Variants in SLFN12L observed in about 807,000 individuals in gnomAD.
The protein encoded by SLFN12L is schlafen family member 12 like, also known as schlafen family member 12-like.
Under a neutral mutation model 34.8 loss-of-function variants are expected in SLFN12L, and 34 were observed. That is an observed-to-expected ratio of 0.98 (90% CI 0.74 to 1.30). The LOEUF (loss-of-function observed/expected upper bound fraction) is 1.30. SLFN12L is among the 50% of genes most tolerant of loss of function. The pLI is 0.00. For synonymous variants in SLFN12L, 259 were observed against 247.5 expected, an observed-to-expected ratio of 1.05 and a Z score of -0.44; for missense variants, 703 against 696.2, an observed-to-expected ratio of 1.01 and a Z score of -0.11.
chr17:35,498,462 G>T lies in SLFN12L; in HGVS notation c.87-18267C>A, dbSNP rs986396823. On this transcript the variant is annotated intron_variant, in intron 2 of 4. Transcript: ENST00000628453. Reference sequence around the variant, plus strand: ...TGGACGACTGCGGAATTTTCTCATCGATTCTGATTCCCCGCATAGCCACGA... The same window carrying T: ...TGGACGACTGCGGAATTTTCTCATCTATTCTGATTCCCCGCATAGCCACGA... 1.4e-5 allele frequency: 18 copies of T among 1,263,906 alleles called. No individual in the cohort carries two copies. The African/African-American group carries it at 2.3e-4, about 16-fold the overall frequency. 78.3% of individuals were successfully genotyped at this position (1,263,906 alleles called of 1,614,324 possible). A position where few individuals can be genotyped will look rare whatever the true frequency, so the allele number is the denominator to read the frequency against.
chr17:35,496,318 A>G (rs1363528987), intron 2 of SLFN12L, among the ~76,000 whole-genome samples: 2 of 152,118 alleles, frequency 1.3e-5, no homozygotes, highest in African/African-American at 4.8e-5. Flanking sequence ...ACTGCACTCC[A>G]ACTTTGGCGA....
chr17:35,510,971 A>C (rs1915622039), intron 2 of SLFN12L, among the ~76,000 whole-genome samples: 1 of 152,098 alleles, frequency 6.6e-6, no homozygotes, highest in Non-Finnish European at 1.5e-5. Context: ...TTTTTAACTC[A>C]AACTGTTGAG....
chr17:35,500,084 T>C (rs902005710), intron 2 of SLFN12L: 6 of 152,228 alleles, frequency 3.9e-5, no homozygotes, highest in Non-Finnish European at 8.8e-5. Context: ...TCACGCTAAC[T>C]AAGTTACAGT....
chr17:35,496,355 A>G (rs1201527199), intron 2 of SLFN12L, among the ~76,000 whole-genome samples: 1 of 152,178 alleles, frequency 6.6e-6, no homozygotes, highest in African/African-American at 2.4e-5. Context: ...TCAAAAAAAA[A>G]TAGATTTCTT....
At chr17:35,530,277 G>A (rs1350002484) in intron 1 of SLFN12L, among the ~76,000 whole-genome samples, 1 of 148,568 alleles carries the variant, frequency 6.7e-6, no homozygotes, top group Admixed American at 6.8e-5. Flanking sequence ...AACCCGGGAG[G>A]CGGAGGTTGC....
intron 2 of SLFN12L, chr17:35,490,566 TG>T (rs1914797047): frequency 1.2e-6 from 1 of 830,274 alleles, no homozygotes; most frequent in Non-Finnish European, 2.1e-6. Flanking sequence ...TGTCTGCGGA[TG>T]GGGGCATGCT....
At chr17:35,487,473 C>CCT (rs1467117107) in intron 2 of SLFN12L, among the ~76,000 whole-genome samples, 1 of 151,990 alleles carries the variant, frequency 6.6e-6, no homozygotes. Flanking sequence ...CACGGACCAC[C>CCT]CCCCCCGGAC....
At chr17:35,491,310 C>T in intron 2 of SLFN12L, 1 of 564,000 alleles carries the variant, frequency 1.8e-6, no homozygotes, top group Non-Finnish European at 3.1e-6. Flanking sequence ...ATATGTCATG[C>T]AATGTTGTCC....
In SLFN12L at chr17:35,513,796, T is replaced by C. The variant is rs139465673; in HGVS notation, c.86+8483A>G. The stretch of plus-strand genomic sequence containing the variant: ...AGCAAACATTTTTACAAGTAGATCA[T>C]CGCGGTTACCTTAAAAGTTAAGTTT... On this transcript the variant is annotated intron_variant, in intron 2 of 4. Coordinates refer to ENST00000628453, the MANE Select transcript of SLFN12L (RefSeq NM_001363830.2). Among the ~76,000 whole-genome samples the C allele has an allele frequency of 2.7e-3, 407 of 152,338 alleles. 2 individuals are homozygous for C. Among genetic ancestry groups the C allele is most frequent in the African/African-American group, 9.4e-3 (389 of 41,580 alleles).
At chr17:35,523,140 G>A (rs1916048019) in intron 1 of SLFN12L, among the ~76,000 whole-genome samples, 171 bp from the exon 2 acceptor site, 1 of 152,140 alleles carries the variant, frequency 6.6e-6, no homozygotes, top group South Asian at 2.1e-4. Flanking sequence ...TGAAATATCT[G>A]GTAAATCTCA....
chr17:35,479,853 G>A lies in SLFN12L; in HGVS notation c.429C>T (p.Asn143=). 6.2e-7 allele frequency: 1 copy of A among 1,607,024 alleles called. No homozygotes were observed. Among genetic ancestry groups the A allele is most frequent in the Non-Finnish European group, 8.5e-7 (1 of 1,175,974 alleles). ...PNFLDFMQNG[N]YFHIFVKSWS... ...ATGATTTCACAAAAATGTGAAAGTA[G>A]TTACCATTCTGCATGAAGTCCAGGA... The change falls in exon 3 of 5, where the codon AAC becomes AAT. Residue 143 remains asparagine, a synonymous_variant. Coordinates refer to ENST00000628453, the MANE Select transcript of SLFN12L (RefSeq NM_001363830.2).
At chr17:35,530,501 AAAG>A (rs2072395868) in intron 1 of SLFN12L, among the ~76,000 whole-genome samples, 9 of 35,066 alleles carry the variant, frequency 2.6e-4, no homozygotes, top group East Asian at 1.4e-3. Flanking sequence ...AGAAAGAAAG[AAAG>A]AAAGAAAGAA....
chr17:35,480,244 A>G lies in SLFN12L; in HGVS notation c.87-49T>C, dbSNP rs769808353. 47 of 1,383,246 alleles carry G rather than the reference A, an allele frequency of 3.4e-5. No homozygotes were observed. In the Admixed American group the frequency reaches 8.9e-4, roughly 26 times the overall value. 85.7% of individuals were successfully genotyped at this position (1,383,246 alleles called of 1,614,324 possible). On this transcript the variant is annotated intron_variant, in intron 2 of 4. Transcript: ENST00000628453. ...AGGAGTTAAGCCTGAGAGACAGCAA[A>G]TTCTGCATTATGAGGCAAACGTAGA...
Position 35,475,499 on chromosome 17 carries a change from T to TAATGATA in SLFN12L, c.1277-21_1277-15dup. On this transcript the variant is annotated splice_polypyrimidine_tract_variant and intron_variant, in intron 4 of 4. Transcript: ENST00000628453. ...TTTCTGATAGCCCTAGATGGGGAAA[T>TAATGATA]AATGATAAATTATAAAAGACTGAGA... 1 of 1,556,226 alleles carries TAATGATA rather than the reference T, an allele frequency of 6.4e-7. No homozygotes were observed. The highest frequency in any genetic ancestry group is 8.7e-7 in the Non-Finnish European group (1 of 1,156,012).
rs1223103831 is a variant in SLFN12L, at chr17:35,473,589, T to C, written c.*1334A>G. On this transcript the variant is annotated 3_prime_UTR_variant, in exon 5 of 5. Transcript: ENST00000628453. ...TTGATGATTTTTGCAATGATGTTCATCAGGGATATTGGCCTGAAGTTTTCC... is the reference window on the plus strand; with the variant it reads ...TTGATGATTTTTGCAATGATGTTCACCAGGGATATTGGCCTGAAGTTTTCC... 1.3e-5 allele frequency: 2 copies of C among 152,214 alleles called. No individual in the cohort carries two copies. Among genetic ancestry groups the C allele is most frequent in the African/African-American group, 4.8e-5 (2 of 41,454 alleles). The allele number at this position is 152,214 out of a possible 1,614,324, so 9.4% of individuals were successfully genotyped here. A position where few individuals can be genotyped will look rare whatever the true frequency, so the allele number is the denominator to read the frequency against.
At chr17:35,510,683 A>C (rs897898489) in intron 2 of SLFN12L, among the ~76,000 whole-genome samples, 2 of 152,180 alleles carry the variant, frequency 1.3e-5, no homozygotes, top group Non-Finnish European at 2.9e-5. Context: ...TGAATGTACT[A>C]AAAATTATTG....
At position 35,480,819 on chromosome 17, in the gene SLFN12L, C is replaced by T. The variant is rs112126760; in HGVS notation, c.87-624G>A. 5.5e-3 allele frequency among the ~76,000 whole-genome samples: 835 copies of T among 152,104 alleles called. 11 individuals are homozygous for T. Among genetic ancestry groups the T allele is most frequent in the African/African-American group, 0.019 (794 of 41,526 alleles). The stretch of plus-strand genomic sequence containing the variant: ...ACATCCACGTTTACAAGGAGGTAAT[C>T]GTGGGTGGCAAGCCACCCAGGTGCC... On this transcript the variant is annotated intron_variant, in intron 2 of 4. Coordinates refer to ENST00000628453, the MANE Select transcript of SLFN12L (RefSeq NM_001363830.2).
Position 35,479,314 on chromosome 17 carries a change from C to G in SLFN12L, c.968G>C (p.Gly323Ala). 6.3e-7 allele frequency: 1 copy of G among 1,585,128 alleles called. No homozygotes were observed. The highest frequency in any genetic ancestry group is 8.6e-7 in the Non-Finnish European group (1 of 1,164,114). Residue 323 changes from glycine to alanine, a missense_variant, in exon 3 of 5, where the codon GGG (glycine) becomes GCG (alanine). Transcript: ENST00000628453. ...GAATTTGCATAAGTAATTTATCGTC[C>G]CCTTCTCCACACAGAAGTGATGCAC... The part of the protein sequence containing the change: ...LPVHHFCVEK[G>A]TINYLCKFLG...
At chr17:35,534,490 A>G (rs193276968) in intron 1 of SLFN12L, among the ~76,000 whole-genome samples, 2 of 152,370 alleles carry the variant, frequency 1.3e-5, no homozygotes, top group African/African-American at 4.8e-5. Flanking sequence ...ACCTTTCAGG[A>G]TATGGTTTCA....
Sources: allele counts gnomAD v4.1 joint callset (sites outside exome capture counted in the v4.1 genomes callset), GRCh38; gene constraint gnomAD v4.1.1; transcripts MANE v1.5; gene names NCBI Gene and HGNC (gene_info 2026-07-23, HGNC 2026-07-21).